ZDHHC21: variants seen among roughly 807,000 people sequenced by gnomAD.
The protein encoded by ZDHHC21 is palmitoyltransferase ZDHHC21.
In ZDHHC21, 15 loss-of-function variants were observed where a neutral mutation model predicts 34.6. The ratio of observed to expected loss-of-function variants is 0.43; its 90% confidence interval spans 0.29 to 0.67. The LOEUF (loss-of-function observed/expected upper bound fraction) is 0.67, where lower values mean the gene tolerates loss of function less well. Among genes scored for constraint, ZDHHC21 ranks in the 30% least tolerant of loss-of-function variants. The pLI, the probability that ZDHHC21 is intolerant of heterozygous loss-of-function variation, is 0.14. For missense variants in ZDHHC21, 344 were observed against 327.7 expected, an observed-to-expected ratio of 1.05 and a Z score of -0.38; for synonymous variants, 142 against 101.8, an observed-to-expected ratio of 1.40 and a Z score of -2.38.
chr9:14,603,691 G>A, the ZDHHC21 span, among the ~76,000 whole-genome samples: 1 of 152,052 alleles, frequency 6.6e-6, no homozygotes, highest in Non-Finnish European at 1.5e-5. Context: ...ATCTCAACAG[G>A]CAATACTTAT....
At chr9:14,653,742 G>A (rs529604033) in intron 7 of ZDHHC21, among the ~76,000 whole-genome samples, 41 of 152,054 alleles carry the variant, frequency 2.7e-4, no homozygotes, top group South Asian at 1.0e-3. Context: ...TGTGAGTGTT[G>A]CCTCCTGGAG....
chr9:14,664,297 A>T (rs561729180), intron 5 of ZDHHC21, among the ~76,000 whole-genome samples: 17 of 152,192 alleles, frequency 1.1e-4, no homozygotes, highest in Non-Finnish European at 1.6e-4. Flanking sequence ...TGCGCTTTTC[A>T]GACCGGCTTA....
chr9:14,659,913 G>A (rs895942266), intron 6 of ZDHHC21, among the ~76,000 whole-genome samples: 10 of 152,144 alleles, frequency 6.6e-5, no homozygotes, highest in African/African-American at 1.2e-4. Context: ...AACAGCTGCC[G>A]ATTGAAAGAT....
intron 2 of ZDHHC21, among the ~76,000 whole-genome samples, chr9:14,681,201 C>G (rs998393460): frequency 3.3e-5 from 5 of 152,032 alleles, no homozygotes; most frequent in African/African-American, 7.2e-5. Flanking sequence ...ACATATGACA[C>G]GTGATGATAT....
intron 7 of ZDHHC21, among the ~76,000 whole-genome samples, chr9:14,649,086 T>C (rs1202863583): frequency 6.6e-6 from 1 of 151,964 alleles, no homozygotes; most frequent in Non-Finnish European, 1.5e-5. Context: ...ACCCACTAGA[T>C]GCCAGTAGCA....
intron 7 of ZDHHC21, among the ~76,000 whole-genome samples, chr9:14,657,526 G>C (rs977534450): frequency 6.6e-5 from 10 of 152,014 alleles, no homozygotes; most frequent in Non-Finnish European, 1.2e-4. Flanking sequence ...AAAAGAGCCA[G>C]ACAGTTAATA....
intron 8 of ZDHHC21, among the ~76,000 whole-genome samples, chr9:14,631,489 G>C (rs1048545648): frequency 2.0e-5 from 3 of 152,108 alleles, no homozygotes; most frequent in Admixed American, 6.5e-5. Context: ...CTTATCATTT[G>C]TACGTTCTGT....
At chr9:14,681,037 A>C (rs573457867) in intron 2 of ZDHHC21, among the ~76,000 whole-genome samples, 2 of 152,324 alleles carry the variant, frequency 1.3e-5, no homozygotes, top group South Asian at 2.1e-4. Context: ...AAATCTGAGT[A>C]AACTGAAATA....
intron 1 of ZDHHC21, 54 bp downstream of exon 1, chr9:14,693,157 GGGATGGGGGTGGGGGTGC>G: frequency 4.1e-6 from 1 of 241,318 alleles, no homozygotes; most frequent in Admixed American, 6.4e-5. Context: ...GCGGGGGCCG[GGGATGGGGGTGGGGGTGC>G]GGATGGGGAT....
intron 8 of ZDHHC21, among the ~76,000 whole-genome samples, chr9:14,621,821 A>G (rs1048856020): frequency 6.6e-6 from 1 of 152,140 alleles, no homozygotes; most frequent in Non-Finnish European, 1.5e-5. Context: ...TATGAAGAAT[A>G]TGAAAAACCA....
intron 8 of ZDHHC21, among the ~76,000 whole-genome samples, chr9:14,629,155 G>A (rs1208252963): frequency 2.0e-5 from 3 of 152,232 alleles, no homozygotes; most frequent in East Asian, 3.9e-4. Context: ...GTTTTACAGA[G>A]GTGTAATTGC....
intron 7 of ZDHHC21, among the ~76,000 whole-genome samples, chr9:14,657,445 G>A (rs1170020475): frequency 6.6e-6 from 1 of 152,002 alleles, no homozygotes; most frequent in Non-Finnish European, 1.5e-5. Context: ...GAAAAAACAG[G>A]CTTTAATCCT....
At position 14,611,736 on chromosome 9, in the gene ZDHHC21, G is replaced by A. The variant is rs1406580184; in HGVS notation, c.*7230C>T. ...AAAACACTAATTCCAGGGACACAAA[G>A]TGAGCTCATACAGCATGATCCACGT... On this transcript the variant is annotated 3_prime_UTR_variant, in exon 10 of 10. Coordinates refer to ENST00000380916, the MANE Select transcript of ZDHHC21 (RefSeq NM_178566.6). The A allele has an allele frequency of 1.3e-5, 2 of 151,932 alleles. No homozygotes were observed. Among genetic ancestry groups the A allele is most frequent in the Non-Finnish European group, 2.9e-5 (2 of 67,918 alleles). The allele number at this position is 151,932 out of a possible 1,614,324, so 9.4% of individuals were successfully genotyped here. A position where few individuals can be genotyped will look rare whatever the true frequency, so the allele number is the denominator to read the frequency against.
intron 2 of ZDHHC21, among the ~76,000 whole-genome samples, chr9:14,682,862 T>A (rs919828725): frequency 6.6e-6 from 1 of 152,160 alleles, no homozygotes; most frequent in African/African-American, 2.4e-5. Context: ...GCAATCAAAT[T>A]AGAACTCAGG....
the ZDHHC21 span, among the ~76,000 whole-genome samples, chr9:14,592,677 A>C: frequency 6.6e-6 from 1 of 152,190 alleles, no homozygotes; most frequent in African/African-American, 2.4e-5. Context: ...CCTAACTGAC[A>C]TTTATAGAAT....
chr9:14,597,191 G>A, the ZDHHC21 span, among the ~76,000 whole-genome samples: 2 of 152,016 alleles, frequency 1.3e-5, no homozygotes, highest in African/African-American at 4.8e-5. Context: ...CTATAGCATG[G>A]TGCCATTTGA....
chr9:14,656,813 A>T lies in ZDHHC21; in HGVS notation c.504+1936T>A, dbSNP rs547499017. Among the ~76,000 whole-genome samples, 23 of 150,206 alleles carry T rather than the reference A, an allele frequency of 1.5e-4. No individual in the cohort carries two copies. In the South Asian group the frequency reaches 2.7e-3, roughly 18 times the overall value. ...TAACATATTATTATGATTTTTATTT[A>T]AAAAAATCACCTGCTTGCATCTACA... On this transcript the variant is annotated intron_variant, in intron 7 of 9. Transcript: ENST00000380916.
intron 2 of ZDHHC21, among the ~76,000 whole-genome samples, chr9:14,687,099 A>G (rs751568339): frequency 2.0e-5 from 3 of 151,050 alleles, no homozygotes; most frequent in Non-Finnish European, 4.4e-5. Context: ...AGATGGCCAA[A>G]AACAATAATG....
chr9:14,598,340 G>A, the ZDHHC21 span, among the ~76,000 whole-genome samples: 1 of 152,134 alleles, frequency 6.6e-6, no homozygotes, highest in East Asian at 1.9e-4. Flanking sequence ...AGACACTACT[G>A]ATGCTGATTA....
Sources: allele counts gnomAD v4.1 joint callset (sites outside exome capture counted in the v4.1 genomes callset), GRCh38; gene constraint gnomAD v4.1.1; transcripts MANE v1.5; gene names NCBI Gene and HGNC (gene_info 2026-07-23, HGNC 2026-07-21).